The following LRRC37A2 variants were observed in gnomAD, a reference collection of about 807,000 sequenced individuals.
The protein encoded by LRRC37A2 is leucine-rich repeat-containing protein 37A2.
Under a neutral mutation model 68.8 loss-of-function variants are expected in LRRC37A2, and 9 were observed. The observed-to-expected ratio is 0.13, with a 90% CI of 0.08 to 0.23. The LOEUF (loss-of-function observed/expected upper bound fraction) is 0.23, where lower values mean the gene tolerates loss of function less well. Among genes scored for constraint, LRRC37A2 ranks in the 10% least tolerant of loss-of-function variants. The probability of loss-of-function intolerance (pLI) is 1.00; values close to 1 mark genes in which losing one functional copy is unlikely to be tolerated. For synonymous variants in LRRC37A2, 63 were observed against 367.6 expected (o/e 0.17, Z 9.48); for missense variants, 168 against 950.4 (o/e 0.18, Z 10.82).
At chr17:47,009,710 C>A in the LRRC37A2 span, among the ~76,000 whole-genome samples, 3 of 152,234 alleles carry the variant, frequency 2.0e-5, no homozygotes, top group South Asian at 4.1e-4. Flanking sequence ...CACGCCCCGG[C>A]AGGCCTCCTG....
chr17:46,878,327 C>T, the LRRC37A2 span, among the ~76,000 whole-genome samples: 3 of 152,178 alleles, frequency 2.0e-5, no homozygotes, highest in African/African-American at 7.2e-5. Context: ...CTCGCCTGTG[C>T]CAGCTCCAGG....
chr17:46,494,027 T>C, the LRRC37A2 span, among the ~76,000 whole-genome samples: 1 of 150,000 alleles, frequency 6.7e-6, no homozygotes, highest in African/African-American at 2.5e-5. Context: ...GTATTTTTAA[T>C]AGAGATGGGG....
chr17:46,912,353 C>T, the LRRC37A2 span, among the ~76,000 whole-genome samples: 1 of 152,348 alleles, frequency 6.6e-6, no homozygotes, highest in Non-Finnish European at 1.5e-5. Flanking sequence ...ATCGGGAATT[C>T]TTTCCCTCCT....
At chr17:46,943,466 C>T in the LRRC37A2 span, among the ~76,000 whole-genome samples, 49 of 152,336 alleles carry the variant, frequency 3.2e-4, 1 homozygote, top group South Asian at 9.7e-3. Context: ...CAAGATGTTT[C>T]CTCTCAGATG....
chr17:46,956,957 T>TAGCTGCATAAAGGTTGCGGGGGTG, the LRRC37A2 span, among the ~76,000 whole-genome samples: 1 of 152,048 alleles, frequency 6.6e-6, no homozygotes, highest in African/African-American at 2.4e-5. Context: ...GAAGGAAAAA[T>TAGCTGCATAAAGGTTGCGGGGGTG]AGCTGCATAA....
chr17:47,013,941 C>T, the LRRC37A2 span, among the ~76,000 whole-genome samples: 1 of 152,110 alleles, frequency 6.6e-6, no homozygotes, highest in Non-Finnish European at 1.5e-5. Context: ...TCAAGACCAG[C>T]CTGACCAACA....
At chr17:46,755,683 A>G in the LRRC37A2 span, 4 of 1,109,724 alleles carry the variant, frequency 3.6e-6, no homozygotes, top group East Asian at 7.5e-5. Context: ...GCAAATGCAT[A>G]GTGGGAAATG....
chr17:46,927,149 G>C, the LRRC37A2 span, among the ~76,000 whole-genome samples: 1 of 152,070 alleles, frequency 6.6e-6, no homozygotes, highest in East Asian at 1.9e-4. Context: ...TCCTAGTTGA[G>C]TGTCATTTTG....
chr17:46,928,319 C>T, the LRRC37A2 span, among the ~76,000 whole-genome samples: 1 of 152,164 alleles, frequency 6.6e-6, no homozygotes, highest in Non-Finnish European at 1.5e-5. Context: ...GCCTGGCTGG[C>T]ATTGGTAGAT....
At chr17:47,005,666 C>G in the LRRC37A2 span, 1 of 152,100 alleles carries the variant, frequency 6.6e-6, no homozygotes, top group Non-Finnish European at 1.5e-5. Context: ...TGTCACAGTG[C>G]ACGAGCTGAG....
At chr17:46,389,136 C>T in the LRRC37A2 span, among the ~76,000 whole-genome samples, 16 of 144,146 alleles carry the variant, frequency 1.1e-4, no homozygotes, top group East Asian at 2.0e-4. Flanking sequence ...CGGAGATTGC[C>T]GTAAGCCAAG....
chr17:46,868,583 G>C, the LRRC37A2 span, among the ~76,000 whole-genome samples: 2 of 151,672 alleles, frequency 1.3e-5, no homozygotes, highest in Non-Finnish European at 2.9e-5. Context: ...GTGATGGAGT[G>C]AGACTCGATT....
the LRRC37A2 span, chr17:46,931,865 C>T: frequency 4.9e-6 from 3 of 614,044 alleles, no homozygotes; most frequent in Non-Finnish European, 8.7e-6. Context: ...ATCTTGTGTG[C>T]TACCATCTCA....
chr17:46,759,181 G>A, the LRRC37A2 span, among the ~76,000 whole-genome samples: 1 of 152,190 alleles, frequency 6.6e-6, no homozygotes, highest in South Asian at 2.1e-4. Flanking sequence ...TCCAGCCTGG[G>A]CAACGAGCAA....
chr17:46,958,619 G>A, the LRRC37A2 span, among the ~76,000 whole-genome samples: 2 of 152,240 alleles, frequency 1.3e-5, no homozygotes, highest in Non-Finnish European at 2.9e-5. Context: ...AGTGGGATGT[G>A]CCAGCTCAGG....
the LRRC37A2 span, chr17:46,930,972 A>AT: frequency 1.5e-6 from 1 of 687,032 alleles, no homozygotes; most frequent in Non-Finnish European, 2.6e-6. Context: ...TAGTGTATAC[A>AT]TTTTTCTCCT....
chr17:46,751,626 T>C, the LRRC37A2 span: 1 of 1,564,732 alleles, frequency 6.4e-7, no homozygotes, highest in Non-Finnish European at 8.8e-7. Flanking sequence ...GGTAAGGTAC[T>C]TCGTTCTCCG....
the LRRC37A2 span, among the ~76,000 whole-genome samples, chr17:46,840,042 T>C: frequency 6.7e-6 from 1 of 149,728 alleles, no homozygotes; most frequent in African/African-American, 2.5e-5. Context: ...TTTTCTTTCT[T>C]TCTTTCTCTC....
chr17:47,009,329 C>T, the LRRC37A2 span, among the ~76,000 whole-genome samples: 1 of 152,174 alleles, frequency 6.6e-6, no homozygotes, highest in African/African-American at 2.4e-5. Flanking sequence ...GACAGACGGC[C>T]TGTGGCATCC....
Sources: gnomAD v4.1 joint callset for allele counts (sites outside exome capture counted in the v4.1 genomes callset) on GRCh38, gnomAD v4.1.1 for gene constraint, MANE v1.5 for transcripts, NCBI Gene and HGNC (gene_info 2026-07-23, HGNC 2026-07-21) for gene names.